Variants in CEACAM1 observed in about 807,000 individuals in gnomAD.
CEACAM1 encodes the protein cell adhesion molecule CEACAM1.
CEACAM1 carries 31 observed loss-of-function variants against 49.1 expected under a neutral mutation model. The observed-to-expected ratio is 0.63, with a 90% CI of 0.47 to 0.85. CEACAM1 has a LOEUF of 0.85. Among genes scored for constraint, CEACAM1 ranks in the 40% least tolerant of loss-of-function variants. The pLI, the probability that CEACAM1 is intolerant of heterozygous loss-of-function variation, is 0.00. For missense variants in CEACAM1, 570 were observed against 645.3 expected (o/e 0.88, Z 1.26); for synonymous variants, 244 against 247.8 (o/e 0.98, Z 0.14).
In CEACAM1 at chr19:42,514,996, C is replaced by T. The variant is rs532957226; in HGVS notation, c.1247-2517G>A. 5.1e-5 allele frequency: 34 copies of T among 661,756 alleles called. No individual in the cohort carries two copies. The East Asian group carries it at 6.7e-4, about 13-fold the overall frequency. The allele number at this position is 661,756 out of a possible 1,614,324, so 41.0% of individuals were successfully genotyped here. ...TTTAAAATAACACTATGGGGCCAGG[C>T]GTGGTGGCTCACACCTGTAATCTCA... On this transcript the variant is annotated intron_variant, in intron 5 of 8. Coordinates refer to ENST00000161559, the MANE Select transcript of CEACAM1 (RefSeq NM_001712.5).
rs2041389744 is a variant in CEACAM1 at position 42,508,992 on chromosome 19, T to G, written c.*117A>C. ...GGAGATGCCTATTAGGAAGGAAGAG[T>G]AGGAGAAAGTTGTTTCTGTCCCCAC... On this transcript the variant is annotated 3_prime_UTR_variant, in exon 9 of 9. Transcript: ENST00000161559. The G allele has an allele frequency of 1.7e-6, 2 of 1,206,882 alleles. No individual in the cohort carries two copies. The highest frequency in any genetic ancestry group is 2.0e-5 in the Admixed American group (1 of 49,112). The allele number at this position is 1,206,882 out of a possible 1,614,324, so 74.8% of individuals were successfully genotyped here.
intron 8 of CEACAM1, 101 bp downstream of exon 8, chr19:42,510,788 T>A: frequency 8.8e-7 from 1 of 1,130,624 alleles, no homozygotes; most frequent in Non-Finnish European, 1.4e-6. Flanking sequence ...CTGAGGAACA[T>A]TAACCCAAAC....
At chr19:42,523,788 T>G (rs921693410) in intron 2 of CEACAM1, among the ~76,000 whole-genome samples, 3 of 152,198 alleles carry the variant, frequency 2.0e-5, no homozygotes, top group African/African-American at 7.2e-5. Context: ...CTAGAGAGCG[T>G]GATAAACTCT....
At position 42,507,434 on chromosome 19, in the gene CEACAM1, C is replaced by A. The variant is rs1202418225; in HGVS notation, c.*1675G>T. ...TGGATGAGGGAAAGTATGCACAGTC[C>A]GTGTCAGGGTTAGAAAACCCTGAAA... On this transcript the variant is annotated 3_prime_UTR_variant, in exon 9 of 9. Transcript: ENST00000161559. 6.6e-6 allele frequency: 1 copy of A among 151,998 alleles called. No homozygotes were observed. The highest frequency in any genetic ancestry group is 6.6e-5 in the Admixed American group (1 of 15,264). The allele number at this position is 151,998 out of a possible 1,614,324, so 9.4% of individuals were successfully genotyped here.
At chr19:42,520,042 C>T (rs1025625892) in intron 4 of CEACAM1, among the ~76,000 whole-genome samples, 4 of 152,266 alleles carry the variant, frequency 2.6e-5, no homozygotes, top group Admixed American at 1.3e-4. Context: ...GGATTTCCCA[C>T]TGTAAAGAGG....
At chr19:42,510,783 G>T in intron 8 of CEACAM1, 106 bp downstream of exon 8, 1 of 1,033,276 alleles carries the variant, frequency 9.7e-7, no homozygotes, top group Non-Finnish European at 1.5e-6. Flanking sequence ...TTGCACTGAG[G>T]AACATTAACC....
At chr19:42,510,751 G>A (rs2041436908) in intron 8 of CEACAM1, 138 bp downstream of exon 8, 3 of 772,776 alleles carry the variant, frequency 3.9e-6, no homozygotes, top group Non-Finnish European at 6.8e-6. Context: ...TCATGGGAGT[G>A]ATTACAAATA....
At chr19:42,513,918 A>ATATATAAT (rs977629719) in intron 5 of CEACAM1, among the ~76,000 whole-genome samples, 1 of 123,396 alleles carries the variant, frequency 8.1e-6, no homozygotes, top group African/African-American at 4.0e-5. Flanking sequence ...ATATATATAT[A>ATATATAAT]ATATATAAAT....
chr19:42,528,450 T>A lies in CEACAM1; in HGVS notation c.-76A>T. 7.1e-7 allele frequency: 1 copy of A among 1,409,994 alleles called. No individual in the cohort carries two copies. The highest frequency in any genetic ancestry group is 1.0e-6 in the Non-Finnish European group (1 of 999,158). The allele number at this position is 1,409,994 out of a possible 1,614,324, so 87.3% of individuals were successfully genotyped here. A position where few individuals can be genotyped will look rare whatever the true frequency, so the allele number is the denominator to read the frequency against. ...AGGAACGCTTCGAGCACGGCTGCTC[T>A]GTCACCTCTGCTGTTTTCCACTCTC... On this transcript the variant is annotated 5_prime_UTR_variant, in exon 1 of 9. Transcript: ENST00000161559.
intron 5 of CEACAM1, among the ~76,000 whole-genome samples, chr19:42,514,181 G>C (rs1184354582): frequency 6.7e-6 from 1 of 148,854 alleles, no homozygotes; most frequent in Non-Finnish European, 1.5e-5. Flanking sequence ...GCCTAGGCTA[G>C]AGTGCAATGG....
At chr19:42,521,174 A>G in intron 4 of CEACAM1, 93 bp downstream of exon 4, 8 of 1,424,454 alleles carry the variant, frequency 5.6e-6, no homozygotes, top group Non-Finnish European at 6.8e-6. Context: ...TGTTGGATAC[A>G]GGCTGCAAAA....
chr19:42,520,210 T>A (rs2041708977), intron 4 of CEACAM1, among the ~76,000 whole-genome samples: 1 of 152,212 alleles, frequency 6.6e-6, no homozygotes, highest in Admixed American at 6.5e-5. Context: ...TGGCTGAATC[T>A]CCCGATTTCT....
Position 42,508,655 on chromosome 19 carries a change from T to C in CEACAM1, c.*454A>G, listed in dbSNP as rs760226757. The C allele has an allele frequency of 6.2e-6, 1 of 162,484 alleles. No homozygotes were observed. Among genetic ancestry groups the C allele is most frequent in the Admixed American group, 5.7e-5 (1 of 17,698 alleles). 10.1% of individuals were successfully genotyped at this position (162,484 alleles called of 1,614,324 possible). On this transcript the variant is annotated 3_prime_UTR_variant, in exon 9 of 9. Transcript: ENST00000161559. ...GCTTTGGAGAAATAGGAGAAGGCATTACTGCCTTTACTTTCTCTCTCTCTT... is the reference window on the plus strand; with the variant it reads ...GCTTTGGAGAAATAGGAGAAGGCATCACTGCCTTTACTTTCTCTCTCTCTT...
chr19:42,509,367 C>T (rs976858682), intron 8 of CEACAM1, 139 bp from the exon 9 acceptor site: 4 of 920,664 alleles, frequency 4.3e-6, no homozygotes, highest in African/African-American at 3.4e-5. Context: ...TACCCATTCT[C>T]TGCTTGCTGA....
chr19:42,521,229 C>A, intron 4 of CEACAM1, 38 bp downstream of exon 4: 1 of 1,605,934 alleles, frequency 6.2e-7, no homozygotes, highest in Non-Finnish European at 8.5e-7. Context: ...AAAGCTTGTA[C>A]CCCAGATCTT....
chr19:42,524,424 C>A (rs746492794), intron 2 of CEACAM1, among the ~76,000 whole-genome samples: 1 of 152,190 alleles, frequency 6.6e-6, no homozygotes, highest in Non-Finnish European at 1.5e-5. Flanking sequence ...TGCCTCTGAT[C>A]CCCTGGTGAG....
In CEACAM1 at chr19:42,519,067, T is replaced by C. The variant is rs41355544; in HGVS notation, c.1127A>G (p.Gln376Arg). The C allele has an allele frequency of 4.1e-4, 667 of 1,613,874 alleles. 2 individuals are homozygous for C. The African/African-American group carries it at 7.9e-3, about 19-fold the overall frequency. The part of the protein sequence containing the change: ...LPSSERMKLS[Q>R]GNTTLSINPV... The stretch of plus-strand genomic sequence containing the variant: ...GTTTATGCTGAGGGTGGTGTTGCCC[T>C]GGGACAGCTTCATCCTCTCCGAGGA... The change falls in exon 5 of 9, where the codon CAG (glutamine) becomes CGG (arginine). Residue 376 changes from glutamine (Q) to arginine (R), a missense_variant. Transcript: ENST00000161559.
chr19:42,527,521 GTGT>G, intron 1 of CEACAM1, 121 bp from the exon 2 acceptor site: 4 of 1,200,008 alleles, frequency 3.3e-6, no homozygotes, highest in Non-Finnish European at 4.6e-6. Flanking sequence ...GTGTGTGTGT[GTGT>G]GTGTGTGTGT....
rs1272664303 is a variant in CEACAM1, at chr19:42,528,423, C to G, written c.-49G>C. ...TCACCTGTGGAGGAGAGCTTGGGCT[C>G]CAGGAACGCTTCGAGCACGGCTGCT... On this transcript the variant is annotated 5_prime_UTR_variant, in exon 1 of 9. Transcript: ENST00000161559. 3 of 1,586,582 alleles carry G rather than the reference C, an allele frequency of 1.9e-6. No individual in the cohort carries two copies. The highest frequency in any genetic ancestry group is 2.7e-5 in the African/African-American group (2 of 74,412).
Sources: allele counts gnomAD v4.1 joint callset (sites outside exome capture counted in the v4.1 genomes callset), GRCh38; gene constraint gnomAD v4.1.1; transcripts MANE v1.5; gene names NCBI Gene and HGNC (gene_info 2026-07-23, HGNC 2026-07-21).